Variants in PARD3B observed in about 807,000 individuals in gnomAD.
PARD3B encodes par-3 family cell polarity regulator beta.
Under a neutral mutation model 130.2 loss-of-function variants are expected in PARD3B, and 103 were observed. The observed-to-expected ratio is 0.79, with a 90% CI of 0.67 to 0.93. The LOEUF (loss-of-function observed/expected upper bound fraction) is 0.93. PARD3B is among the 40% of genes least tolerant of loss of function. The probability of loss-of-function intolerance (pLI) is 0.00; values close to 1 mark genes in which losing one functional copy is unlikely to be tolerated. For missense variants in PARD3B, 1,609 were observed against 1,499.2 expected, an observed-to-expected ratio of 1.07 and a Z score of -1.21; for synonymous variants, 583 against 553.2, an observed-to-expected ratio of 1.05 and a Z score of -0.76.
At chr2:205,332,051 G>A (rs759217447) in intron 18 of PARD3B, among the ~76,000 whole-genome samples, 1 of 152,078 alleles carries the variant, frequency 6.6e-6, no homozygotes, top group Non-Finnish European at 1.5e-5. Flanking sequence ...GTTACAGTGA[G>A]CCGAAATCGT....
rs191706286 is a variant in PARD3B, at chr2:205,458,505, G to A, written c.3044+17833G>A. ...GTCCAGTCTTCTATTAAACCCTTCT[G>A]TTGAGCACTTAATTTTAGTTATTGT... is the stretch of plus-strand genomic sequence containing the variant. On this transcript the variant is annotated intron_variant, in intron 20 of 22. Transcript: ENST00000406610. This position sits in a 1 kb window ranked among gnomAD's most constrained non-coding sequence, Gnocchi z 4.8. Among the ~76,000 whole-genome samples, 1 of 152,164 alleles carries A rather than the reference G, an allele frequency of 6.6e-6. No homozygotes were observed. The highest frequency in any genetic ancestry group is 6.5e-5 in the Admixed American group (1 of 15,270).
intron 22 of PARD3B, among the ~76,000 whole-genome samples, chr2:205,601,257 C>T (rs1053761671): frequency 6.6e-5 from 10 of 152,228 alleles, no homozygotes; most frequent in Admixed American, 3.3e-4. Flanking sequence ...CAATCAATGA[C>T]GTTGACCTTT....
chr2:204,873,433 C>G (rs1360087258), intron 2 of PARD3B, among the ~76,000 whole-genome samples: 1 of 152,180 alleles, frequency 6.6e-6, no homozygotes, highest in African/African-American at 2.4e-5. Flanking sequence ...AGTGATTTCC[C>G]CAGCCATTCA....
intron 3 of PARD3B, among the ~76,000 whole-genome samples, chr2:204,981,789 T>C (rs1412505475): frequency 6.6e-6 from 1 of 152,146 alleles, no homozygotes; most frequent in East Asian, 1.9e-4. Flanking sequence ...GGGTGTCTGA[T>C]GACAAGAACG....
chr2:204,847,924 T>C (rs1189424671), intron 2 of PARD3B, among the ~76,000 whole-genome samples: 2 of 152,148 alleles, frequency 1.3e-5, no homozygotes, highest in East Asian at 1.9e-4. Flanking sequence ...GAAAAAGAAA[T>C]TTGTGCTAGT....
At chr2:205,608,768 C>A (rs1354645171) in intron 22 of PARD3B, among the ~76,000 whole-genome samples, 1 of 152,098 alleles carries the variant, frequency 6.6e-6, no homozygotes, top group African/African-American at 2.4e-5. Context: ...GTTAATAACT[C>A]AATTCTTGTA....
chr2:204,849,418 T>C (rs1279959319), intron 2 of PARD3B, among the ~76,000 whole-genome samples: 1 of 152,238 alleles, frequency 6.6e-6, no homozygotes, highest in East Asian at 1.9e-4. Context: ...AGGCTGAATA[T>C]TAACCTTCTT....
chr2:205,447,400 G>A (rs972354736), intron 20 of PARD3B, among the ~76,000 whole-genome samples: 10 of 152,068 alleles, frequency 6.6e-5, no homozygotes, highest in Non-Finnish European at 1.3e-4. Flanking sequence ...TTCTTGAGAT[G>A]GAGCTTCACT....
intron 20 of PARD3B, among the ~76,000 whole-genome samples, chr2:205,449,758 A>G (rs1559105888): frequency 6.6e-6 from 1 of 152,186 alleles, no homozygotes; most frequent in South Asian, 2.1e-4. Context: ...GTTTTCCAGC[A>G]TGTATCCACT....
intron 20 of PARD3B, among the ~76,000 whole-genome samples, chr2:205,455,965 T>C (rs892456130): frequency 4.6e-5 from 7 of 152,080 alleles, no homozygotes; most frequent in Non-Finnish European, 7.4e-5. Flanking sequence ...CATCCCTAAC[T>C]CTTGGCAATC....
intron 2 of PARD3B, among the ~76,000 whole-genome samples, chr2:204,828,280 C>T (rs1254933745): frequency 1.3e-5 from 2 of 152,070 alleles, no homozygotes; most frequent in Non-Finnish European, 2.9e-5. Context: ...CCCTTTCCTT[C>T]TACTTCTGTA....
chr2:205,523,221 GTGTGTA>G (rs1286092632), intron 21 of PARD3B, among the ~76,000 whole-genome samples: 3 of 121,250 alleles, frequency 2.5e-5, no homozygotes, highest in Non-Finnish European at 3.5e-5. Context: ...GTGTGTGTGT[GTGTGTA>G]TATATATATA....
At chr2:204,847,150 A>G (rs73068606) in intron 2 of PARD3B, among the ~76,000 whole-genome samples, 16,715 of 146,628 alleles carry the variant, frequency 0.11, 1,362 homozygotes, top group African/African-American at 0.22. Flanking sequence ...TATAACAGCT[A>G]TTTTTCTGTA....
At chr2:204,668,003 T>C (rs2036105102) in intron 1 of PARD3B, among the ~76,000 whole-genome samples, 1 of 152,186 alleles carries the variant, frequency 6.6e-6, no homozygotes, top group African/African-American at 2.4e-5. Context: ...AAGCAGGGGA[T>C]CATTTGATAA....
At chr2:205,396,444 G>T (rs565826245) in intron 18 of PARD3B, among the ~76,000 whole-genome samples, 2 of 152,278 alleles carry the variant, frequency 1.3e-5, no homozygotes, top group East Asian at 3.9e-4. Flanking sequence ...AAAGAAGAAA[G>T]ATTTTTCCAT....
At chr2:205,260,826 AG>A (rs1274138625) in intron 16 of PARD3B, among the ~76,000 whole-genome samples, 1 of 152,092 alleles carries the variant, frequency 6.6e-6, no homozygotes, top group Non-Finnish European at 1.5e-5. Flanking sequence ...GAAATGTATC[AG>A]GGGGATGAGG....
At chr2:205,110,976 C>T (rs1202190557) in intron 5 of PARD3B, among the ~76,000 whole-genome samples, 4 of 152,076 alleles carry the variant, frequency 2.6e-5, no homozygotes, top group Admixed American at 2.6e-4. Context: ...CTCTACAGAG[C>T]ACAACTCCAT....
chr2:204,916,262 CATT>C (rs955287417), intron 2 of PARD3B, among the ~76,000 whole-genome samples: 1 of 152,110 alleles, frequency 6.6e-6, no homozygotes, highest in African/African-American at 2.4e-5. Context: ...AAACAGAAAA[CATT>C]ATTTCACTGA....
chr2:204,925,248 G>A (rs1302733445), intron 2 of PARD3B, among the ~76,000 whole-genome samples: 1 of 152,110 alleles, frequency 6.6e-6, no homozygotes, highest in African/African-American at 2.4e-5. Flanking sequence ...TTGGCAGCTA[G>A]ATAGCTTGAG....
Sources: allele counts gnomAD v4.1 joint callset (sites outside exome capture counted in the v4.1 genomes callset), GRCh38; gene constraint gnomAD v4.1.1; non-coding constraint Gnocchi (gnomAD v3.1); transcripts MANE v1.5; gene names NCBI Gene and HGNC (gene_info 2026-07-23, HGNC 2026-07-21).